The following ZNF280C variants were observed in gnomAD, a reference collection of about 807,000 sequenced individuals.
ZNF280C encodes the protein zinc finger protein 280C.
A neutral mutation model predicts 53.6 loss-of-function variants in ZNF280C; 14 were observed. That is an observed-to-expected ratio of 0.26 (90% CI 0.17 to 0.41). ZNF280C has a LOEUF of 0.41. Among genes scored for constraint, ZNF280C ranks in the 10% least tolerant of loss-of-function variants. The pLI is 1.00. For missense variants in ZNF280C, 416 were observed against 547.1 expected, an observed-to-expected ratio of 0.76 and a Z score of 2.39; for synonymous variants, 203 against 181.1, an observed-to-expected ratio of 1.12 and a Z score of -0.97.
chrX:130,236,676 A>G (rs2032338621), intron 6 of ZNF280C, 37 bp from the exon 7 acceptor site: 1 of 995,922 alleles, frequency 1.0e-6, no homozygotes. Context: ...ATATTTGTAA[A>G]TATTTCAGTA....
chrX:130,230,851 G>C, intron 8 of ZNF280C, 124 bp from the exon 9 acceptor site: 1 of 388,283 alleles, frequency 2.6e-6, no homozygotes, highest in Non-Finnish European at 4.2e-6. Flanking sequence ...TATCTAGAAA[G>C]ATACTGACCA....
chrX:130,238,347 G>A (rs2032354869), intron 6 of ZNF280C, among the ~76,000 whole-genome samples: 1 of 111,295 alleles, frequency 9.0e-6, no homozygotes, highest in Admixed American at 9.6e-5. Context: ...CAAATGGCTG[G>A]CTCATTTCAG....
chrX:130,211,202 G>A (rs777205338), intron 15 of ZNF280C, among the ~76,000 whole-genome samples: 1 of 112,294 alleles, frequency 8.9e-6, no homozygotes, highest in Non-Finnish European at 1.9e-5. Flanking sequence ...TCTCAAAGAG[G>A]TAATAGAGAC....
chrX:130,212,945 C>A (rs747794455), intron 15 of ZNF280C, among the ~76,000 whole-genome samples: 1 of 111,912 alleles, frequency 8.9e-6, no homozygotes, highest in Non-Finnish European at 1.9e-5. Flanking sequence ...AACCTTGAGA[C>A]AGGAAAAAGT....
At position 130,251,282 on chromosome X, in the gene ZNF280C, C is replaced by CAAAAAAAAAAAAAAAAAAAAAA. The variant is rs61571389; in HGVS notation, c.32-4299_32-4278dup. On this transcript the variant is annotated intron_variant, in intron 2 of 18. Coordinates refer to ENST00000370978, the MANE Select transcript of ZNF280C (RefSeq NM_017666.5). ...AGGCAAACGCAGTAAGGACCTGTCTCAAAAAAAAAAAAAAAAAAAAAAAAA... is the reference window on the plus strand; with the variant it reads ...AGGCAAACGCAGTAAGGACCTGTCTCAAAAAAAAAAAAAAAAAAAAAAAAAAAAAAAAAAAAAAAAAAAAAAA... Among the ~76,000 whole-genome samples the CAAAAAAAAAAAAAAAAAAAAAA allele has an allele frequency of 3.3e-4, 5 of 15,339 alleles. 1 individual carries two copies. The highest frequency in any genetic ancestry group is 1.5e-3 in the African/African-American group (4 of 2,590). 13.3% of individuals were successfully genotyped at this position (15,339 alleles called of 115,157 possible).
rs2032718774 is a variant in ZNF280C, at chrX:130,268,796, G to C, written c.-51C>G. On this transcript the variant is annotated 5_prime_UTR_variant, in exon 1 of 19. In the 5' UTR this introduces an upstream ATG that the reference lacks. Coordinates refer to ENST00000370978, the MANE Select transcript of ZNF280C (RefSeq NM_017666.5). ...AGCAGATCGGTCTGACTGGGGTTCG[G>C]ATAAGGAGGAGGAGAAAGAGGAGGA... 1 of 112,193 alleles carries C rather than the reference G, an allele frequency of 8.9e-6. No individual in the cohort carries two copies. The allele number at this position is 112,193 out of a possible 1,213,427, so 9.2% of individuals were successfully genotyped here. A position where few individuals can be genotyped will look rare whatever the true frequency, so the allele number is the denominator to read the frequency against.
In ZNF280C at chrX:130,204,709, T is replaced by A; in HGVS notation, c.*268A>T. On this transcript the variant is annotated 3_prime_UTR_variant, in exon 19 of 19. Transcript: ENST00000370978. ...TGGAATGTAATATTCTGAAGGCAAG[T>A]CAAGTATAGCAGAGAAAAACAAAAG... 3.8e-6 allele frequency: 1 copy of A among 265,914 alleles called. No homozygotes were observed. The highest frequency in any genetic ancestry group is 2.8e-5 in the African/African-American group (1 of 36,151). 21.9% of individuals were successfully genotyped at this position (265,914 alleles called of 1,213,427 possible).
chrX:130,236,169 A>G, intron 8 of ZNF280C, 45 bp downstream of exon 8: 1 of 925,832 alleles, frequency 1.1e-6, no homozygotes, highest in Non-Finnish European at 1.5e-6. Flanking sequence ...ATTTTCAAGG[A>G]TCTATAAAAC....
intron 15 of ZNF280C, among the ~76,000 whole-genome samples, chrX:130,214,472 C>G (rs189006859): frequency 2.1e-4 from 23 of 111,044 alleles, no homozygotes; most frequent in East Asian, 1.4e-3. Context: ...CATTAAAAAG[C>G]CTGGAACCTC....
At chrX:130,244,793 A>G (rs1569438294) in intron 3 of ZNF280C, among the ~76,000 whole-genome samples, 2 of 91,445 alleles carry the variant, frequency 2.2e-5, no homozygotes, top group African/African-American at 9.3e-5. Flanking sequence ...AAAAAAAAAA[A>G]AAAAAAAGAG....
chrX:130,227,067 T>C (rs1291316502), intron 11 of ZNF280C, among the ~76,000 whole-genome samples, 162 bp from the exon 12 acceptor site: 1 of 111,860 alleles, frequency 8.9e-6, no homozygotes, highest in Non-Finnish European at 1.9e-5. Flanking sequence ...GTAATAAAGA[T>C]AACCTTTGAA....
intron 12 of ZNF280C, among the ~76,000 whole-genome samples, chrX:130,223,183 AG>A (rs775016108): frequency 3.5e-4 from 39 of 110,549 alleles, no homozygotes; most frequent in Admixed American, 5.8e-4. Flanking sequence ...TCAGCCTACG[AG>A]TAGCTGGGAT....
At chrX:130,251,306 A>AAAAAAAAAAAAAAAAAC (rs1569439584) in intron 2 of ZNF280C, among the ~76,000 whole-genome samples, 2 of 103,617 alleles carry the variant, frequency 1.9e-5, no homozygotes, top group Non-Finnish European at 2.0e-5. Flanking sequence ...AAAAAAAAAA[A>AAAAAAAAAAAAAAAAAC]AGACCAGCAA....
Position 130,248,013 on chromosome X carries a change from G to C in ZNF280C, c.32-1008C>G, listed in dbSNP as rs144040138. Among the ~76,000 whole-genome samples, 888 of 106,254 alleles carry C rather than the reference G, an allele frequency of 8.4e-3. 13 individuals are homozygous for C. The highest frequency in any genetic ancestry group is 0.03 in the African/African-American group (857 of 28,946). The allele number at this position is 106,254 out of a possible 115,157, so 92.3% of individuals were successfully genotyped here. On this transcript the variant is annotated intron_variant, in intron 2 of 18. Coordinates refer to ENST00000370978, the MANE Select transcript of ZNF280C (RefSeq NM_017666.5). ...AGTGCCTCACTCTTAAATATGGGTGGACAACCAATGCGTACCAGAAAATTG... is the reference window on the plus strand; with the variant it reads ...AGTGCCTCACTCTTAAATATGGGTGCACAACCAATGCGTACCAGAAAATTG...
intron 8 of ZNF280C, among the ~76,000 whole-genome samples, chrX:130,233,354 C>T (rs745744130): frequency 1.8e-5 from 2 of 111,699 alleles, no homozygotes; most frequent in South Asian, 3.8e-4. Flanking sequence ...CAGTGGCTCA[C>T]GCCTGTAATC....
At position 130,205,348 on chromosome X, in the gene ZNF280C, T is replaced by C. The variant is rs1410535433; in HGVS notation, c.2110A>G (p.Lys704Glu). The change falls in exon 17 of 19, where the codon AAA becomes GAA. Residue 704 changes from lysine (K) to glutamate (E), a missense_variant. Around this residue, in one of 3 missense-constraint regions of ZNF280C, gnomAD observed 151 missense variants for 176.9 expected, o/e 0.85. Coordinates refer to ENST00000370978, the MANE Select transcript of ZNF280C (RefSeq NM_017666.5). ...TGAGTTTTACGTTGACTTAAGTGTT[T>C]AGCCATACGATCTAAGCCGGAAGAA... ...ADSSGLDRMA[K>E]HLSQRKTHTC... 6.6e-6 allele frequency: 8 copies of C among 1,210,027 alleles called. No homozygotes were observed. Among genetic ancestry groups the C allele is most frequent in the Non-Finnish European group, 7.8e-6 (7 of 894,531 alleles).
chrX:130,261,278 T>A (rs753419148), intron 1 of ZNF280C, among the ~76,000 whole-genome samples: 4 of 112,421 alleles, frequency 3.6e-5, no homozygotes, highest in African/African-American at 1.3e-4. Context: ...AACAGGAATT[T>A]GTATCCTGAG....
At position 130,215,916 on chromosome X, in the gene ZNF280C, A is replaced by C; in HGVS notation, c.1713T>G (p.Thr571=). The C allele has an allele frequency of 8.3e-7, 1 of 1,211,231 alleles. No individual in the cohort carries two copies. The highest frequency in any genetic ancestry group is 1.8e-5 in the South Asian group (1 of 57,002). ...GCTTACTTGTATTAACTTTACTTGC[A>C]GTGGATGTAGTTGCATGAAGCTTAC... ...KTSKLHATTS[T]ASKVNTSKPR... is the part of the protein sequence containing the mutation. The change falls in exon 14 of 19, where the codon ACT becomes ACG. Residue 571 remains threonine, a synonymous_variant. Coordinates refer to ENST00000370978, the MANE Select transcript of ZNF280C (RefSeq NM_017666.5).
At chrX:130,260,829 T>G (rs1266498356) in intron 1 of ZNF280C, among the ~76,000 whole-genome samples, 2 of 111,692 alleles carry the variant, frequency 1.8e-5, no homozygotes, top group Non-Finnish European at 3.8e-5. Context: ...CATTTACTAC[T>G]TGAAAAAATC....
Sources: gnomAD v4.1 joint callset for allele counts (sites outside exome capture counted in the v4.1 genomes callset) on GRCh38, gnomAD v4.1.1 for gene constraint, gnomAD v4.1.1 regional missense constraint, MANE v1.5 for transcripts, NCBI Gene and HGNC (gene_info 2026-07-23, HGNC 2026-07-21) for gene names.